Variants in SLC24A2 observed in about 807,000 individuals in gnomAD.
The protein encoded by SLC24A2 is solute carrier family 24 member 2.
In SLC24A2, 36 loss-of-function variants were observed where a neutral mutation model predicts 62.0. That is an observed-to-expected ratio of 0.58 (90% confidence interval 0.44 to 0.77). The LOEUF is 0.77. Ranked by LOEUF, SLC24A2 falls within the 30% of genes least tolerant of loss-of-function variation. The pLI is 0.00. For synonymous variants in SLC24A2, 358 were observed against 294.0 expected, an observed-to-expected ratio of 1.22 and a Z score of -2.23; for missense variants, 846 against 817.9, an observed-to-expected ratio of 1.03 and a Z score of -0.42.
chr9:20,264,628 G>C, the SLC24A2 span, among the ~76,000 whole-genome samples: 7 of 152,124 alleles, frequency 4.6e-5, no homozygotes, highest in Non-Finnish European at 7.4e-5. Context: ...TCCTCCTCTG[G>C]AAGATGAGAG....
In SLC24A2 at chr9:19,718,530, C is replaced by T. The variant is rs547037004; in HGVS notation, c.930+67407G>A. On this transcript the variant is annotated intron_variant, in intron 2 of 10. Transcript: ENST00000341998. ...TTCACCATGTTGCCCAGGCTGGTCT[C>T]GAAATCCTGAGCTCAAGCAATTGGC... Among the ~76,000 whole-genome samples the T allele has an allele frequency of 5.2e-4, 76 of 145,982 alleles. 1 individual carries two copies. The highest frequency in any genetic ancestry group is 9.7e-4 in the Non-Finnish European group (65 of 67,020).
At chr9:20,303,164 G>C in the SLC24A2 span, among the ~76,000 whole-genome samples, 3 of 151,848 alleles carry the variant, frequency 2.0e-5, no homozygotes, top group African/African-American at 7.3e-5. Flanking sequence ...TCATAAGGCT[G>C]CTGCCCTTTT....
chr9:20,159,499 G>A, the SLC24A2 span, among the ~76,000 whole-genome samples: 8 of 151,588 alleles, frequency 5.3e-5, no homozygotes, highest in Non-Finnish European at 1.0e-4. Flanking sequence ...TTATGGAGAT[G>A]GACTGATAGA....
chr9:19,529,897 C>T (rs1195440525), intron 8 of SLC24A2, among the ~76,000 whole-genome samples: 2 of 151,738 alleles, frequency 1.3e-5, no homozygotes, highest in South Asian at 4.2e-4. Flanking sequence ...TTACAGGCAC[C>T]TGCCACCACA....
chr9:19,517,330 G>C (rs1198169359), intron 10 of SLC24A2, among the ~76,000 whole-genome samples: 1 of 152,208 alleles, frequency 6.6e-6, no homozygotes, highest in African/African-American at 2.4e-5. Context: ...TTGGCTAGCT[G>C]AGCTTTCTGA....
the SLC24A2 span, among the ~76,000 whole-genome samples, chr9:20,093,469 T>G: frequency 6.6e-6 from 1 of 152,158 alleles, no homozygotes; most frequent in African/African-American, 2.4e-5. Context: ...TATACATGAG[T>G]TTGAGGTTTT....
chr9:19,567,614 C>G (rs1586974644), intron 7 of SLC24A2, among the ~76,000 whole-genome samples: 1 of 145,890 alleles, frequency 6.9e-6, no homozygotes, highest in South Asian at 2.1e-4. Flanking sequence ...AACACAGCAA[C>G]TACAAACGTC....
chr9:19,970,316 C>G, the SLC24A2 span, among the ~76,000 whole-genome samples: 1 of 152,102 alleles, frequency 6.6e-6, no homozygotes, highest in Non-Finnish European at 1.5e-5. Context: ...GTACATATTT[C>G]CCTTTGTCTA....
At chr9:20,260,387 C>T in the SLC24A2 span, among the ~76,000 whole-genome samples, 81 of 152,212 alleles carry the variant, frequency 5.3e-4, no homozygotes, top group Admixed American at 4.6e-4. Context: ...AGAAGCCAGT[C>T]ATCCAAAAGA....
At chr9:19,531,701 C>T (rs918166742) in intron 8 of SLC24A2, among the ~76,000 whole-genome samples, 1 of 141,814 alleles carries the variant, frequency 7.1e-6, no homozygotes, top group Non-Finnish European at 1.5e-5. Context: ...GACCCCCCCC[C>T]ACCCCCCAAA....
At chr9:19,873,556 C>CTTTCTTTCTTTCTT in the SLC24A2 span, among the ~76,000 whole-genome samples, 2 of 117,484 alleles carry the variant, frequency 1.7e-5, no homozygotes, top group African/African-American at 3.1e-5. Flanking sequence ...CTTTCTTTCT[C>CTTTCTTTCTTTCTT]TCTCTCTCTT....
intron 2 of SLC24A2, among the ~76,000 whole-genome samples, chr9:19,707,583 T>C (rs1820571422): frequency 6.6e-6 from 1 of 152,196 alleles, no homozygotes; most frequent in Admixed American, 6.5e-5. Context: ...ATCCCTGGGA[T>C]GCAAGACTGG....
chr9:19,753,576 A>C (rs1822047981), intron 2 of SLC24A2, among the ~76,000 whole-genome samples: 1 of 152,196 alleles, frequency 6.6e-6, no homozygotes, highest in Non-Finnish European at 1.5e-5. Flanking sequence ...AATGAATTAA[A>C]TTTCATTACT....
rs1271756032 is a variant in SLC24A2 at position 19,632,510 on chromosome 9, A to C, written c.931-10211T>G. On this transcript the variant is annotated intron_variant, in intron 2 of 10. Coordinates refer to ENST00000341998, the MANE Select transcript of SLC24A2 (RefSeq NM_020344.4). The surrounding 1 kb of genome is among the most constrained non-coding windows in gnomAD (Gnocchi z 4.5). ...GACACATTCTTCCAATTAAGTAGCA[A>C]CAGCAGCAGTTAATATATGAAATCC... 1.3e-5 allele frequency among the ~76,000 whole-genome samples: 2 copies of C among 152,232 alleles called. No homozygotes were observed. The highest frequency in any genetic ancestry group is 1.5e-5 in the Non-Finnish European group (1 of 68,030).
chr9:19,585,894 G>A (rs1474599801), intron 5 of SLC24A2, among the ~76,000 whole-genome samples: 1 of 152,114 alleles, frequency 6.6e-6, no homozygotes, highest in Non-Finnish European at 1.5e-5. Context: ...ACCCATAAAG[G>A]ATGGATCAGC....
chr9:19,544,784 C>T (rs2034000594), intron 8 of SLC24A2, among the ~76,000 whole-genome samples: 1 of 152,214 alleles, frequency 6.6e-6, no homozygotes, highest in African/African-American at 2.4e-5. Flanking sequence ...AAGGTTCCTG[C>T]AGAGAGATCT....
At chr9:20,081,805 T>G in the SLC24A2 span, among the ~76,000 whole-genome samples, 1 of 152,100 alleles carries the variant, frequency 6.6e-6, no homozygotes. Context: ...CAGATATCAT[T>G]GGGTGGGGAT....
intron 2 of SLC24A2, among the ~76,000 whole-genome samples, chr9:19,744,473 G>A (rs1008303491): frequency 2.6e-5 from 4 of 152,048 alleles, no homozygotes; most frequent in Admixed American, 2.0e-4. Flanking sequence ...TCCTATGCTC[G>A]TAGAGGACTG....
chr9:19,976,903 C>G, the SLC24A2 span, among the ~76,000 whole-genome samples: 1 of 151,950 alleles, frequency 6.6e-6, no homozygotes, highest in Non-Finnish European at 1.5e-5. Context: ...CTGGAAGATA[C>G]AGCAACAATA....
Sources: gnomAD v4.1 joint callset for allele counts (sites outside exome capture counted in the v4.1 genomes callset) on GRCh38, gnomAD v4.1.1 for gene constraint, Gnocchi (gnomAD v3.1) non-coding constraint, MANE v1.5 for transcripts, NCBI Gene and HGNC (gene_info 2026-07-23, HGNC 2026-07-21) for gene names.